WDR44: variants seen among roughly 807,000 people sequenced by gnomAD.
The protein encoded by WDR44 is WD repeat-containing protein 44.
In WDR44, 9 loss-of-function variants were observed where a neutral mutation model predicts 65.7. The observed-to-expected ratio is 0.14, with a 90% CI of 0.08 to 0.24. The LOEUF (loss-of-function observed/expected upper bound fraction) is 0.24. Among genes scored for constraint, WDR44 ranks in the 10% least tolerant of loss-of-function variants. The pLI is 1.00. For missense variants in WDR44, 425 were observed against 670.9 expected (o/e 0.63, Z 4.05); for synonymous variants, 220 against 235.2 (o/e 0.94, Z 0.59).
chrX:118,386,734 T>C (rs560056451), intron 2 of WDR44, among the ~76,000 whole-genome samples: 1 of 111,910 alleles, frequency 8.9e-6, no homozygotes, highest in South Asian at 3.6e-4. Context: ...TCCATTACAG[T>C]TTTTTAATGT....
intron 8 of WDR44, among the ~76,000 whole-genome samples, chrX:118,401,471 T>G (rs1232732655): frequency 1.2e-5 from 1 of 82,446 alleles, no homozygotes; most frequent in African/African-American, 5.2e-5. Context: ...ATGTCTTCTT[T>G]TGAGAAGTGT....
chrX:118,365,637 A>C (rs1459400274), intron 1 of WDR44, among the ~76,000 whole-genome samples: 1 of 112,508 alleles, frequency 8.9e-6, no homozygotes, highest in East Asian at 2.8e-4. Context: ...CCAAGATATT[A>C]GTAAGAACAT....
At chrX:118,444,647 C>T (rs1034729229) in intron 19 of WDR44, among the ~76,000 whole-genome samples, 153 bp downstream of exon 19, 1 of 111,791 alleles carries the variant, frequency 8.9e-6, no homozygotes, top group Non-Finnish European at 1.9e-5. Context: ...CAGGCTGGAG[C>T]GCAGTGACGC....
chrX:118,385,183 A>G (rs770937004), intron 2 of WDR44, among the ~76,000 whole-genome samples: 22 of 112,231 alleles, frequency 2.0e-4, no homozygotes, highest in East Asian at 5.6e-4. Context: ...AAATCATTCT[A>G]TTATAAAGAC....
chrX:118,346,579 G>A lies in WDR44; in HGVS notation c.76G>A (p.Gly26Arg). Residue 26 changes from glycine (G) to arginine (R), a missense_variant and splice_region_variant, in exon 1 of 20, where the codon GGG becomes AGG. Gly to Arg is a moderately radical substitution (Grantham distance 125). Around this residue, in one of 5 missense-constraint regions of WDR44, gnomAD observed 193 missense variants for 209.0 expected, o/e 0.92. Transcript: ENST00000254029. Reference protein sequence around the residue: ...DVHLGGGYPVGSPGKVGLSTF... With the variant: ...DVHLGGGYPVRSPGKVGLSTF... The stretch of plus-strand genomic sequence containing the variant: ...GCACCTAGGGGGCGGCTACCCCGTG[G>A]GGTAAGTGACTGCAGCTATGACAGG... The A allele has an allele frequency of 8.4e-7, 1 of 1,185,283 alleles. No individual in the cohort carries two copies. Among genetic ancestry groups the A allele is most frequent in the African/African-American group, 1.8e-5 (1 of 56,731 alleles).
intron 1 of WDR44, among the ~76,000 whole-genome samples, chrX:118,368,661 G>A (rs983744536): frequency 9.7e-6 from 1 of 103,528 alleles, no homozygotes. Context: ...GACTGGAAAG[G>A]CCTCTGTGTG....
chrX:118,428,224 G>T (rs1042005205), intron 12 of WDR44, among the ~76,000 whole-genome samples: 5 of 109,629 alleles, frequency 4.6e-5, no homozygotes, highest in Non-Finnish European at 9.5e-5. Context: ...GGAGGCAGAG[G>T]TTGCAGTGAG....
chrX:118,356,323 CCT>C (rs1413485672), intron 1 of WDR44, among the ~76,000 whole-genome samples: 1 of 111,429 alleles, frequency 9.0e-6, no homozygotes, highest in Non-Finnish European at 1.9e-5. Context: ...AGGGAAACCC[CCT>C]CAGGATATGA....
Position 118,448,919 on chromosome X carries a change from GTTC to G in WDR44, c.2679_2681del (p.Leu894del). The G allele has an allele frequency of 8.3e-7, 1 of 1,198,228 alleles. No homozygotes were observed. Among genetic ancestry groups the G allele is most frequent in the Non-Finnish European group, 1.1e-6 (1 of 887,922 alleles). On this transcript the variant is annotated inframe_deletion, in exon 20 of 20. Transcript: ENST00000254029. ...TATTATGAAGACAGATAACACAGAA[GTTC>G]TTCTCTCTGCTGACTTCACTGGAGC...
At chrX:118,440,069 G>A (rs1410471082) in intron 14 of WDR44, among the ~76,000 whole-genome samples, 7 of 102,977 alleles carry the variant, frequency 6.8e-5, no homozygotes, top group African/African-American at 1.1e-4. Flanking sequence ...GCAGTAAGCC[G>A]TGATCGAGCC....
intron 8 of WDR44, among the ~76,000 whole-genome samples, chrX:118,402,458 A>AAT (rs547508565): frequency 1.2e-5 from 1 of 85,361 alleles, no homozygotes; most frequent in Admixed American, 1.5e-4. Flanking sequence ...AAAAAAAAAA[A>AAT]ACATTCAGGA....
chrX:118,367,098 A>AAG (rs1882057576), intron 1 of WDR44, among the ~76,000 whole-genome samples: 1 of 112,157 alleles, frequency 8.9e-6, no homozygotes, highest in Admixed American at 9.5e-5. Flanking sequence ...AAAAAAAAAA[A>AAG]AATGAAATGG....
Position 118,448,910 on chromosome X carries a change from A to G in WDR44, c.2665A>G (p.Asn889Asp). The change falls in exon 20 of 20, where the codon AAC becomes GAC. Residue 889 changes from asparagine (N) to aspartate (D), a missense_variant. By Grantham distance (23) the Asn-to-Asp change is conservative. Transcript: ENST00000254029. ...ATPSGIMKTD[N>D]TEVLLSADFT... is the part of the protein sequence containing the mutation. ...CTTTTAAGGTATTATGAAGACAGAT[A>G]ACACAGAAGTTCTTCTCTCTGCTGA... The G allele has an allele frequency of 8.4e-7, 1 of 1,194,278 alleles. No homozygotes were observed. The highest frequency in any genetic ancestry group is 1.1e-6 in the Non-Finnish European group (1 of 885,354).
intron 8 of WDR44, among the ~76,000 whole-genome samples, chrX:118,399,842 T>A (rs768657179): frequency 9.0e-6 from 1 of 111,631 alleles, no homozygotes; most frequent in South Asian, 3.8e-4. Flanking sequence ...TCCTAGCATT[T>A]TGGGAGACCA....
rs1421974471 is a variant in WDR44, at chrX:118,444,534, C to T, written c.2647+40C>T. 8 of 1,173,653 alleles carry T rather than the reference C, an allele frequency of 6.8e-6. 1 individual carries two copies. In the South Asian group the frequency reaches 1.1e-4, roughly 17 times the overall value. On this transcript the variant is annotated intron_variant, in intron 19 of 19. Coordinates refer to ENST00000254029, the MANE Select transcript of WDR44 (RefSeq NM_019045.5). ...GTCCTATATTTTTTTCTAGTCAGCA[C>T]TTAGTAGCCTCATTTATCTCATTTG...
chrX:118,371,885 CT>C lies in WDR44; in HGVS notation c.78-6529del, dbSNP rs772568429. 2.3e-3 allele frequency among the ~76,000 whole-genome samples: 253 copies of C among 110,709 alleles called. 3 individuals are homozygous for C. Among genetic ancestry groups the C allele is most frequent in the African/African-American group, 7.9e-3 (242 of 30,615 alleles). On this transcript the variant is annotated intron_variant, in intron 1 of 19. Coordinates refer to ENST00000254029, the MANE Select transcript of WDR44 (RefSeq NM_019045.5). The stretch of plus-strand genomic sequence containing the variant: ...AAGTTATTTTATGTAGACATTTGAA[CT>C]TTTTCTGCAAAAAATTACCTTAATA...
intron 12 of WDR44, among the ~76,000 whole-genome samples, chrX:118,414,648 A>T (rs1477979372): frequency 9.0e-6 from 1 of 111,441 alleles, no homozygotes; most frequent in Non-Finnish European, 1.9e-5. Context: ...GCTTTTGTAA[A>T]AGTGATTGAG....
intron 1 of WDR44, among the ~76,000 whole-genome samples, chrX:118,362,202 T>C (rs934761229): frequency 2.7e-5 from 3 of 112,480 alleles, no homozygotes; most frequent in South Asian, 3.6e-4. Context: ...TAGATTGATA[T>C]AGAAATAATA....
intron 1 of WDR44, among the ~76,000 whole-genome samples, chrX:118,375,912 T>C (rs1176929346): frequency 8.9e-6 from 1 of 112,255 alleles, no homozygotes; most frequent in Non-Finnish European, 1.9e-5. Context: ...TCTTGGTACA[T>C]AGTAGGTAAT....
Sources: gnomAD v4.1 joint callset for allele counts (sites outside exome capture counted in the v4.1 genomes callset) on GRCh38, gnomAD v4.1.1 for gene constraint, gnomAD v4.1.1 regional missense constraint, MANE v1.5 for transcripts, NCBI Gene and HGNC (gene_info 2026-07-23, HGNC 2026-07-21) for gene names.